The following COL21A1 variants were observed in gnomAD, a reference collection of about 807,000 sequenced individuals.
COL21A1 encodes collagen alpha-1(XXI) chain.
Under a neutral mutation model 137.9 loss-of-function variants are expected in COL21A1, and 149 were observed. That is an observed-to-expected ratio of 1.08 (90% confidence interval 0.95 to 1.24). The LOEUF (loss-of-function observed/expected upper bound fraction) is 1.24, where lower values mean the gene tolerates loss of function less well. Among genes scored for constraint, COL21A1 ranks in the 50% most tolerant of loss-of-function variants. The probability of loss-of-function intolerance (pLI) is 0.00; values close to 1 mark genes in which losing one functional copy is unlikely to be tolerated. For missense variants in COL21A1, 1,167 were observed against 1,158.4 expected (o/e 1.01, Z -0.11); for synonymous variants, 456 against 391.5 (o/e 1.16, Z -1.95).
Position 56,180,107 on chromosome 6 carries a change from A to C in COL21A1, c.111T>G (p.Asp37Glu), listed in dbSNP as rs1777786104. 6.2e-6 allele frequency: 10 copies of C among 1,612,914 alleles called. No homozygotes were observed. Among genetic ancestry groups the C allele is most frequent in the Non-Finnish European group, 8.5e-6 (10 of 1,179,502 alleles). Residue 37 changes from aspartate (D) to glutamate (E), a missense_variant, in exon 3 of 30, where the codon GAT (aspartate) becomes GAG (glutamate). Asp to Glu is a conservative substitution (Grantham distance 45). Transcript: ENST00000244728. ...VRSSCRTAPT[D>E]LVFILDGSYS... The stretch of plus-strand genomic sequence containing the variant: ...AAGAGCCATCTAAGATGAAAACTAA[A>C]TCTGTCGGAGCAGTACGACAACCTA...
intron 1 of COL21A1, among the ~76,000 whole-genome samples, chr6:56,343,560 C>T (rs1382203922): frequency 6.6e-6 from 1 of 152,152 alleles, no homozygotes; most frequent in African/African-American, 2.4e-5. Context: ...TGGCTCTTTA[C>T]TCATTTGCTG....
intron 17 of COL21A1, among the ~76,000 whole-genome samples, chr6:56,084,705 T>C (rs1768079292): frequency 6.6e-6 from 1 of 151,814 alleles, no homozygotes; most frequent in Admixed American, 6.6e-5. Context: ...TGTCTAAGAG[T>C]TATTTTCCTC....
intron 1 of COL21A1, among the ~76,000 whole-genome samples, chr6:56,393,675 G>A (rs763690676): frequency 4.6e-5 from 7 of 152,160 alleles, no homozygotes; most frequent in Admixed American, 2.0e-4. Context: ...CAGGAAAACT[G>A]AAAGAAACCA....
intron 1 of COL21A1, among the ~76,000 whole-genome samples, chr6:56,370,200 A>G (rs1358221481): frequency 6.6e-6 from 1 of 152,156 alleles, no homozygotes; most frequent in Non-Finnish European, 1.5e-5. Context: ...GCCTACATTC[A>G]CGTTCCCAGC....
At chr6:56,076,570 A>G (rs1767265364) in intron 18 of COL21A1, among the ~76,000 whole-genome samples, 1 of 151,450 alleles carries the variant, frequency 6.6e-6, no homozygotes, top group Non-Finnish European at 1.5e-5. Flanking sequence ...ATAAACTCTG[A>G]AAGTGAAAAT....
chr6:56,175,062 G>A (rs2840993), intron 3 of COL21A1, among the ~76,000 whole-genome samples: 2,653 of 152,150 alleles, frequency 0.017, 75 homozygotes, highest in African/African-American at 0.061. Flanking sequence ...CATCTCAATG[G>A]AGGCAGAAAA....
At chr6:56,068,085 G>T (rs748613425) in intron 22 of COL21A1, among the ~76,000 whole-genome samples, 1 of 151,562 alleles carries the variant, frequency 6.6e-6, no homozygotes, top group East Asian at 1.9e-4. Flanking sequence ...ACATATATTC[G>T]TAGTAGATTT....
At chr6:56,332,686 G>T (rs1177825853) in intron 1 of COL21A1, among the ~76,000 whole-genome samples, 2 of 149,314 alleles carry the variant, frequency 1.3e-5, no homozygotes, top group Admixed American at 1.3e-4. Context: ...TAGGTTATAT[G>T]TTTTTTTTTA....
chr6:56,114,927 T>C lies in COL21A1; in HGVS notation c.1758+9135A>G, dbSNP rs537471921. On this transcript the variant is annotated intron_variant, in intron 16 of 29. Transcript: ENST00000244728. ...AGCAAAGACTTGGAACCAACCCAAA[T>C]GTCCAACAATGATAGACTGGATTAA... Among the ~76,000 whole-genome samples, 1,083 of 149,280 alleles carry C rather than the reference T, an allele frequency of 7.3e-3. 11 individuals are homozygous for C. The highest frequency in any genetic ancestry group is 0.026 in the African/African-American group (1,048 of 40,506).
At chr6:56,262,010 T>C (rs1763288326) in intron 1 of COL21A1, among the ~76,000 whole-genome samples, 1 of 152,230 alleles carries the variant, frequency 6.6e-6, no homozygotes, top group Non-Finnish European at 1.5e-5. Context: ...AATGGAATCT[T>C]GATAAGCTTA....
intron 1 of COL21A1, among the ~76,000 whole-genome samples, chr6:56,280,123 T>A (rs1460369510): frequency 1.3e-5 from 2 of 152,218 alleles, no homozygotes; most frequent in African/African-American, 4.8e-5. Flanking sequence ...TATTTAATCA[T>A]TTTTTTCATT....
At chr6:56,115,170 G>C (rs1159430956) in intron 16 of COL21A1, among the ~76,000 whole-genome samples, 2 of 150,346 alleles carry the variant, frequency 1.3e-5, no homozygotes, top group Non-Finnish European at 3.0e-5. Flanking sequence ...GGGAGGGATA[G>C]CATTGGGAGA....
chr6:56,119,305 A>G (rs978885814), intron 16 of COL21A1, among the ~76,000 whole-genome samples: 1 of 152,180 alleles, frequency 6.6e-6, no homozygotes, highest in East Asian at 1.9e-4. Context: ...AAAGAAATTT[A>G]AAAAGTAATC....
chr6:56,187,334 T>A (rs967798908), intron 1 of COL21A1, among the ~76,000 whole-genome samples: 1 of 152,176 alleles, frequency 6.6e-6, no homozygotes, highest in African/African-American at 2.4e-5. Context: ...AGAACCCTCA[T>A]GACCCAATCA....
chr6:56,376,218 A>T (rs2093998991), intron 1 of COL21A1, among the ~76,000 whole-genome samples: 1 of 152,228 alleles, frequency 6.6e-6, no homozygotes, highest in Non-Finnish European at 1.5e-5. Context: ...TAAGATAAGG[A>T]TTAAAACCTC....
rs200478915 is a variant in COL21A1, at chr6:56,059,170, G to A, written c.2681C>T (p.Pro894Leu). Reference protein sequence around the residue: ...GYPGEQGPPGPPGPEGPPGIS... With the variant: ...GYPGEQGPPGLPGPEGPPGIS... The stretch of plus-strand genomic sequence containing the variant: ...GAGCAGGTAGCAATTCTCACCTGGG[G>A]GACCAGGAGGACCTTGTTCTCCAGG... The change falls in exon 29 of 30, where the codon CCC (proline) becomes CTC (leucine). Residue 894 changes from proline to leucine, a missense_variant. Transcript: ENST00000244728. 1.4e-5 allele frequency: 23 copies of A among 1,611,186 alleles called. No homozygotes were observed. The South Asian group carries it at 2.2e-4, about 15-fold the overall frequency.
At chr6:56,318,004 A>G (rs1764779068) in intron 1 of COL21A1, among the ~76,000 whole-genome samples, 1 of 152,220 alleles carries the variant, frequency 6.6e-6, no homozygotes, top group South Asian at 2.1e-4. Flanking sequence ...CATAATTACA[A>G]TACAGTAACA....
chr6:56,073,400 TTC>T (rs1766933267), intron 20 of COL21A1, among the ~76,000 whole-genome samples: 3 of 151,468 alleles, frequency 2.0e-5, no homozygotes, highest in East Asian at 1.9e-4. Context: ...TGTCTTTTTT[TTC>T]TCTCTCTTTT....
At chr6:56,253,136 A>G (rs981548654) in intron 1 of COL21A1, among the ~76,000 whole-genome samples, 2 of 152,234 alleles carry the variant, frequency 1.3e-5, no homozygotes, top group African/African-American at 4.8e-5. Flanking sequence ...AGTGCTGCAC[A>G]GGTCATGAAT....
Sources: allele counts gnomAD v4.1 joint callset (sites outside exome capture counted in the v4.1 genomes callset), GRCh38; gene constraint gnomAD v4.1.1; transcripts MANE v1.5; gene names NCBI Gene and HGNC (gene_info 2026-07-23, HGNC 2026-07-21).